AKT3: variants seen among roughly 807,000 people sequenced by gnomAD.
AKT3 encodes RAC-gamma serine/threonine-protein kinase.
In AKT3, 15 loss-of-function variants were observed where a neutral mutation model predicts 65.3. The ratio of observed to expected loss-of-function variants is 0.23; its 90% CI spans 0.15 to 0.35. The LOEUF (loss-of-function observed/expected upper bound fraction) is 0.35. Ranked by LOEUF, AKT3 falls within the 10% of genes least tolerant of loss-of-function variation. The probability of loss-of-function intolerance (pLI) is 1.00; values close to 1 mark genes in which losing one functional copy is unlikely to be tolerated. For missense variants in AKT3, 243 were observed against 576.5 expected (o/e 0.42, Z 5.92); for synonymous variants, 206 against 183.8 (o/e 1.12, Z -0.98).
At chr1:243,598,258 T>C (rs958966324) in intron 8 of AKT3, among the ~76,000 whole-genome samples, 1 of 152,298 alleles carries the variant, frequency 6.6e-6, no homozygotes, top group African/African-American at 2.4e-5. Flanking sequence ...AATATTTTCA[T>C]TGGAAGTATT....
At chr1:243,837,678 G>GA (rs1694977249) in intron 2 of AKT3, among the ~76,000 whole-genome samples, 1 of 151,974 alleles carries the variant, frequency 6.6e-6, no homozygotes, top group African/African-American at 2.4e-5. Context: ...AAAATCTTTA[G>GA]AAAAAACTGA....
chr1:243,557,317 T>G (rs1037466944), intron 10 of AKT3, among the ~76,000 whole-genome samples: 1 of 152,110 alleles, frequency 6.6e-6, no homozygotes, highest in African/African-American at 2.4e-5. Context: ...AGGGTTAGTT[T>G]TGTATATGTT....
rs1482650719 is a variant in AKT3 at position 243,501,768 on chromosome 1, G to A, written c.*3481C>T. The A allele has an allele frequency of 8.6e-6, 2 of 232,866 alleles. No homozygotes were observed. Among genetic ancestry groups the A allele is most frequent in the African/African-American group, 4.4e-5 (2 of 45,338 alleles). 14.4% of individuals were successfully genotyped at this position (232,866 alleles called of 1,614,324 possible). ...AACAACAATAAACAGAGAAGTAGCA[G>A]ATTGACATAGTGCTTTATTTAAGCT... On this transcript the variant is annotated 3_prime_UTR_variant, in exon 14 of 14. Coordinates refer to ENST00000673466, the MANE Select transcript of AKT3 (RefSeq NM_005465.7).
In AKT3 at chr1:243,850,054, G is replaced by A. The variant is rs1187947068; in HGVS notation, c.-127C>T. On this transcript the variant is annotated 5_prime_UTR_variant, in exon 1 of 14. Coordinates refer to ENST00000673466, the MANE Select transcript of AKT3 (RefSeq NM_005465.7). ...GTGGCTGTTACCTGCAACGGCGGCG[G>A]CGGCGGTGGCGGCCCCGCAGCTGCT... is the stretch of plus-strand genomic sequence containing the variant. 3 of 985,636 alleles carry A rather than the reference G, an allele frequency of 3.0e-6. No individual in the cohort carries two copies. The highest frequency in any genetic ancestry group is 3.5e-5 in the African/African-American group (2 of 56,948). The allele number at this position is 985,636 out of a possible 1,614,324, so 61.1% of individuals were successfully genotyped here. A position where few individuals can be genotyped will look rare whatever the true frequency, so the allele number is the denominator to read the frequency against.
At chr1:243,540,155 T>G (rs956905237) in intron 12 of AKT3, among the ~76,000 whole-genome samples, 1 of 152,140 alleles carries the variant, frequency 6.6e-6, no homozygotes, top group Non-Finnish European at 1.5e-5. Flanking sequence ...GAAAAGAAGA[T>G]GACATAGTAA....
chr1:243,505,932 G>A (rs1432773009), intron 13 of AKT3, among the ~76,000 whole-genome samples: 1 of 152,220 alleles, frequency 6.6e-6, no homozygotes, highest in East Asian at 1.9e-4. Context: ...TAGCTCATCA[G>A]GAAACAATGG....
intron 3 of AKT3, among the ~76,000 whole-genome samples, chr1:243,668,683 C>A (rs1682968166): frequency 6.6e-6 from 1 of 152,106 alleles, no homozygotes; most frequent in Non-Finnish European, 1.5e-5. Context: ...CAGATATATT[C>A]AGCTGCATGT....
At chr1:243,543,269 G>A (rs12755831) in intron 12 of AKT3, among the ~76,000 whole-genome samples, 3 of 152,128 alleles carry the variant, frequency 2.0e-5, no homozygotes, top group African/African-American at 7.2e-5. Context: ...TGGGCTCTCA[G>A]AGCTTTCTCC....
chr1:243,625,789 A>G (rs1679116402), intron 6 of AKT3, among the ~76,000 whole-genome samples: 2 of 152,218 alleles, frequency 1.3e-5, no homozygotes, highest in Admixed American at 1.3e-4. Flanking sequence ...TGAATGTTGC[A>G]GAATGAAGAA....
chr1:243,560,176 A>G (rs1673677122), intron 10 of AKT3, among the ~76,000 whole-genome samples: 1 of 152,048 alleles, frequency 6.6e-6, no homozygotes, highest in Non-Finnish European at 1.5e-5. Flanking sequence ...ACTCCACTGT[A>G]TGGAACTAGT....
chr1:243,660,820 T>C (rs1663188988), intron 4 of AKT3, among the ~76,000 whole-genome samples: 1 of 152,198 alleles, frequency 6.6e-6, no homozygotes, highest in South Asian at 2.1e-4. Context: ...CCCCACTGTC[T>C]CAGCCCAAAA....
intron 4 of AKT3, among the ~76,000 whole-genome samples, chr1:243,649,983 G>A (rs6661818): frequency 6.6e-6 from 1 of 151,980 alleles, no homozygotes; most frequent in Non-Finnish European, 1.5e-5. Context: ...CTTGAGGAAT[G>A]GCCACACTGT....
At chr1:243,720,690 G>A (rs2148112664) in intron 2 of AKT3, among the ~76,000 whole-genome samples, 1 of 152,142 alleles carries the variant, frequency 6.6e-6, no homozygotes, top group East Asian at 1.9e-4. Context: ...TCAAATATTA[G>A]TATCTTAAAA....
chr1:243,601,951 G>A (rs1677036408), intron 8 of AKT3, among the ~76,000 whole-genome samples: 1 of 152,092 alleles, frequency 6.6e-6, no homozygotes, highest in East Asian at 1.9e-4. Context: ...CCCACTCTGT[G>A]GTAAGCCAGC....
At chr1:243,664,910 A>G (rs904930785) in intron 3 of AKT3, 27 bp from the exon 4 acceptor site, 1 of 1,290,942 alleles carries the variant, frequency 7.7e-7, no homozygotes, top group Non-Finnish European at 1.1e-6. Flanking sequence ...ATGTTTCTTT[A>G]AATATGGATA....
chr1:243,664,723 T>A (rs1682651313), intron 4 of AKT3, 49 bp downstream of exon 4: 3 of 875,560 alleles, frequency 3.4e-6, no homozygotes, highest in Admixed American at 2.8e-5. Flanking sequence ...AATACATCTT[T>A]AGATTGAGTG....
chr1:243,814,954 T>C (rs1425341670), intron 2 of AKT3, among the ~76,000 whole-genome samples: 1 of 152,194 alleles, frequency 6.6e-6, no homozygotes, highest in African/African-American at 2.4e-5. Context: ...TTTGGATCTT[T>C]CTAAGATCTT....
chr1:243,514,137 T>C (rs1168140222), intron 12 of AKT3, among the ~76,000 whole-genome samples: 1 of 152,220 alleles, frequency 6.6e-6, no homozygotes, highest in Admixed American at 6.5e-5. Context: ...AATAGGTCTT[T>C]ATCTTTCCAA....
At chr1:243,802,271 TTACAAAAAGTTCCA>T (rs1473932545) in intron 2 of AKT3, among the ~76,000 whole-genome samples, 2 of 152,118 alleles carry the variant, frequency 1.3e-5, no homozygotes, top group Non-Finnish European at 2.9e-5. Context: ...TCAAATTCTG[TTACAAAAAGTTCCA>T]TATGACCCCT....
Sources: allele counts gnomAD v4.1 joint callset (sites outside exome capture counted in the v4.1 genomes callset), GRCh38; gene constraint gnomAD v4.1.1; transcripts MANE v1.5; gene names NCBI Gene and HGNC (gene_info 2026-07-23, HGNC 2026-07-21).